PRKCZ: variants seen among roughly 807,000 people sequenced by gnomAD.
PRKCZ encodes the protein protein kinase C zeta type.
PRKCZ carries 33 observed loss-of-function variants against 79.5 expected under a neutral mutation model. The ratio of observed to expected loss-of-function variants is 0.41; its 90% CI spans 0.31 to 0.55. PRKCZ has a LOEUF of 0.55. PRKCZ is among the 20% of genes least tolerant of loss of function. PRKCZ has a pLI of 0.19. For synonymous variants in PRKCZ, 342 were observed against 320.9 expected (o/e 1.07, Z -0.70); for missense variants, 578 against 813.5 (o/e 0.71, Z 3.52).
intron 4 of PRKCZ, among the ~76,000 whole-genome samples, chr1:2,115,085 G>A (rs988401459): frequency 4.6e-5 from 7 of 152,234 alleles, no homozygotes; most frequent in Admixed American, 2.6e-4. Flanking sequence ...ACCCGTCCCC[G>A]GCCTTGGTGC....
intron 5 of PRKCZ, among the ~76,000 whole-genome samples, chr1:2,139,868 A>T (rs565901936): frequency 6.6e-6 from 1 of 152,072 alleles, no homozygotes; most frequent in Admixed American, 6.5e-5. Flanking sequence ...TGAACAACCC[A>T]CTCCACCACG....
At chr1:2,093,782 G>T (rs1188589545) in intron 4 of PRKCZ, among the ~76,000 whole-genome samples, 3 of 152,172 alleles carry the variant, frequency 2.0e-5, no homozygotes, top group African/African-American at 7.2e-5. Context: ...TGTGTACGGT[G>T]CCTCCTCCCT....
intron 4 of PRKCZ, among the ~76,000 whole-genome samples, chr1:2,073,095 C>T (rs887898227): frequency 6.6e-6 from 1 of 152,112 alleles, no homozygotes; most frequent in African/African-American, 2.4e-5. Flanking sequence ...TCCCTAGGAG[C>T]CCGGGCTGGC....
rs1051690093 is a variant in PRKCZ at position 2,082,354 on chromosome 1, G to T, written c.334+22763G>T. 2 of 455,728 alleles carry T rather than the reference G, an allele frequency of 4.4e-6. No homozygotes were observed. The highest frequency in any genetic ancestry group is 4.0e-5 in the African/African-American group (2 of 50,062). The allele number at this position is 455,728 out of a possible 1,614,324, so 28.2% of individuals were successfully genotyped here. A position where few individuals can be genotyped will look rare whatever the true frequency, so the allele number is the denominator to read the frequency against. ...GGCAAATCACCTCTTTCAAGTTGCC[G>T]GCTACCCGGCTGCCGTAGACAGAGT... On this transcript the variant is annotated intron_variant, in intron 4 of 17. Transcript: ENST00000378567. The surrounding 1 kb of genome is among the most constrained non-coding windows in gnomAD (Gnocchi z 4.4).
chr1:2,098,251 C>CGGAT (rs1341923026), intron 4 of PRKCZ: 1 of 152,216 alleles, frequency 6.6e-6, no homozygotes, highest in African/African-American at 2.4e-5. Context: ...TGTAACCATA[C>CGGAT]GGATACATTG....
intron 9 of PRKCZ, among the ~76,000 whole-genome samples, chr1:2,155,328 GTAGTGGTGATGACAA>G (rs1680767038): frequency 6.6e-6 from 1 of 151,738 alleles, no homozygotes; most frequent in African/African-American, 2.4e-5. Flanking sequence ...AGTGATGATG[GTAGTGGTGATGACAA>G]TGGTGGTGAT....
In PRKCZ at chr1:2,098,992, T is replaced by G. The variant is rs532870145; in HGVS notation, c.335-36270T>G. Among the ~76,000 whole-genome samples, 5 of 152,198 alleles carry G rather than the reference T, an allele frequency of 3.3e-5. No individual in the cohort carries two copies. The South Asian group carries it at 1.0e-3, about 32-fold the overall frequency. ...CACCGCGCCGGGCCCAATAGTGATG[T>G]TTTTACTGCTCTGGGCCTGATCGCA... On this transcript the variant is annotated intron_variant, in intron 4 of 17. Coordinates refer to ENST00000378567, the MANE Select transcript of PRKCZ (RefSeq NM_002744.6).
At chr1:2,182,224 TG>T (rs980893974) in intron 16 of PRKCZ, 2 of 225,574 alleles carry the variant, frequency 8.9e-6, no homozygotes, top group African/African-American at 4.6e-5. Context: ...TGGCTGTTCT[TG>T]GCCCCCCTGG....
chr1:2,105,794 G>A (rs1668290897), intron 4 of PRKCZ, among the ~76,000 whole-genome samples: 1 of 152,226 alleles, frequency 6.6e-6, no homozygotes, highest in African/African-American at 2.4e-5. Context: ...GTGCCCCTGG[G>A]AGCTGCTGTG....
At chr1:2,073,878 C>A in intron 4 of PRKCZ, 1 of 1,161,256 alleles carries the variant, frequency 8.6e-7, no homozygotes, top group Non-Finnish European at 1.1e-6. Flanking sequence ...TGCACGCCCG[C>A]CGCGCACAGA....
chr1:2,050,719 CG>C lies in PRKCZ; in HGVS notation c.71+22del. 1 of 590,576 alleles carries C rather than the reference CG, an allele frequency of 1.7e-6. No homozygotes were observed. Among genetic ancestry groups the C allele is most frequent in the Admixed American group, 5.4e-5 (1 of 18,376 alleles). 36.6% of individuals were successfully genotyped at this position (590,576 alleles called of 1,614,324 possible). Reference sequence around the variant, plus strand: ...TACGGGGGGTGAGCGGCGGAGAGGGCGGGGAGCGGCGCGGGTGAGGCAGGGA... The same window carrying C: ...TACGGGGGGTGAGCGGCGGAGAGGGCGGGAGCGGCGCGGGTGAGGCAGGGA... On this transcript the variant is annotated intron_variant, in intron 1 of 17. Coordinates refer to ENST00000378567, the MANE Select transcript of PRKCZ (RefSeq NM_002744.6).
intron 7 of PRKCZ, 28 bp from the exon 8 acceptor site, chr1:2,148,844 G>T: frequency 6.2e-7 from 1 of 1,611,838 alleles, no homozygotes. Context: ...ACACCGTAAC[G>T]CCCCTTCCTT....
intron 3 of PRKCZ, among the ~76,000 whole-genome samples, chr1:2,057,812 G>C (rs905965770): frequency 6.6e-6 from 1 of 151,446 alleles, no homozygotes; most frequent in Non-Finnish European, 1.5e-5. Flanking sequence ...ATAAGCGATT[G>C]TCCTGCCTCA....
intron 5 of PRKCZ, 133 bp from the exon 6 acceptor site, chr1:2,144,077 A>G: frequency 7.6e-7 from 1 of 1,318,444 alleles, no homozygotes; most frequent in South Asian, 1.5e-5. Flanking sequence ...CCCGGAAGGG[A>G]CAAGGTGCCG....
intron 4 of PRKCZ, among the ~76,000 whole-genome samples, chr1:2,106,198 C>G (rs1668378076): frequency 6.6e-6 from 1 of 152,188 alleles, no homozygotes; most frequent in Non-Finnish European, 1.5e-5. Flanking sequence ...AGGGCCGGAC[C>G]CAGAGCCAGG....
intron 10 of PRKCZ, chr1:2,169,026 T>A: frequency 2.6e-6 from 1 of 389,520 alleles, no homozygotes; most frequent in South Asian, 1.8e-5. Flanking sequence ...GGCTTCTCCC[T>A]GACCCCAGCT....
In PRKCZ at chr1:2,082,495, C is replaced by A. The variant is rs759954484; in HGVS notation, c.334+22904C>A. ...AGATCACGTCCGCGTTCCTAGCGAC[C>A]GGTTTTGTGATGTGGGCAGTGCCGT... is the stretch of plus-strand genomic sequence containing the variant. On this transcript the variant is annotated intron_variant, in intron 4 of 17. Coordinates refer to ENST00000378567, the MANE Select transcript of PRKCZ (RefSeq NM_002744.6). The surrounding 1 kb of genome is among the most constrained non-coding windows in gnomAD (Gnocchi z 4.4). The A allele has an allele frequency of 6.8e-6, 3 of 444,226 alleles. No homozygotes were observed. The highest frequency in any genetic ancestry group is 1.6e-5 in the South Asian group (1 of 62,208). 27.5% of individuals were successfully genotyped at this position (444,226 alleles called of 1,614,324 possible).
intron 9 of PRKCZ, among the ~76,000 whole-genome samples, chr1:2,151,491 C>T (rs1419366625): frequency 6.6e-6 from 1 of 152,142 alleles, no homozygotes; most frequent in African/African-American, 2.4e-5. Context: ...CTGAACTGGA[C>T]GGGTGATGGG....
At chr1:2,118,954 A>G (rs1272248026) in intron 4 of PRKCZ, among the ~76,000 whole-genome samples, 1 of 152,132 alleles carries the variant, frequency 6.6e-6, no homozygotes, top group South Asian at 2.1e-4. Context: ...GTTACATTGT[A>G]GCTTTGTCAT....
Sources: gnomAD v4.1 joint callset for allele counts (sites outside exome capture counted in the v4.1 genomes callset) on GRCh38, gnomAD v4.1.1 for gene constraint, Gnocchi (gnomAD v3.1) non-coding constraint, MANE v1.5 for transcripts, NCBI Gene and HGNC (gene_info 2026-07-23, HGNC 2026-07-21) for gene names.